Variants in PRORP observed in about 807,000 individuals in gnomAD.
The protein encoded by PRORP is protein only RNase P catalytic subunit, also known as mitochondrial ribonuclease P catalytic subunit.
A neutral mutation model predicts 59.4 loss-of-function variants in PRORP; 51 were observed. The ratio of observed to expected loss-of-function variants is 0.86; its 90% CI spans 0.69 to 1.08. The LOEUF (loss-of-function observed/expected upper bound fraction) is 1.08. PRORP is among the 50% of genes least tolerant of loss of function. PRORP has a pLI of 0.00. For missense variants in PRORP, 646 were observed against 690.3 expected, an observed-to-expected ratio of 0.94 and a Z score of 0.72; for synonymous variants, 231 against 245.6, an observed-to-expected ratio of 0.94 and a Z score of 0.55.
At chr14:35,180,530 G>C (rs2048578277) in intron 4 of PRORP, 140 bp from the exon 5 acceptor site, 1 of 566,006 alleles carries the variant, frequency 1.8e-6, no homozygotes, top group South Asian at 2.2e-5. Flanking sequence ...GAGTATCTGT[G>C]TGTGTGTGTG....
chr14:35,122,924 G>T, intron 1 of PRORP, 28 bp from the exon 2 acceptor site: 1 of 257,680 alleles, frequency 3.9e-6, no homozygotes. Flanking sequence ...AGTAAAACTG[G>T]GCGTTCCGTC....
intron 5 of PRORP, among the ~76,000 whole-genome samples, chr14:35,253,720 C>A (rs779574188): frequency 1.3e-5 from 2 of 152,074 alleles, no homozygotes; most frequent in Non-Finnish European, 2.9e-5. Flanking sequence ...ATGGTGTCCC[C>A]GTAGCACTGG....
At chr14:35,150,109 A>G (rs2047707888) in intron 4 of PRORP, among the ~76,000 whole-genome samples, 1 of 152,046 alleles carries the variant, frequency 6.6e-6, no homozygotes, top group South Asian at 2.1e-4. Context: ...GCCTCCCAAA[A>G]TGTTGGGATT....
At chr14:35,225,868 G>C (rs927604245) in intron 5 of PRORP, among the ~76,000 whole-genome samples, 8 of 151,928 alleles carry the variant, frequency 5.3e-5, no homozygotes, top group Non-Finnish European at 1.0e-4. Flanking sequence ...GCAACATAAC[G>C]AAACCCCATC....
In PRORP at chr14:35,129,122, C is replaced by T. The variant is rs368997706; in HGVS notation, c.1167+1511C>T. Among the ~76,000 whole-genome samples the T allele has an allele frequency of 3.3e-5, 5 of 151,790 alleles. No individual in the cohort carries two copies. In the South Asian group the frequency reaches 8.3e-4, roughly 25 times the overall value. On this transcript the variant is annotated intron_variant, in intron 4 of 7. Transcript: ENST00000534898. The stretch of plus-strand genomic sequence containing the variant: ...ACTCGTGAGGTTGAGGCAGGAGAAT[C>T]GCTTGAACCCAGGAGGCGGAGGTTG...
intron 5 of PRORP, among the ~76,000 whole-genome samples, chr14:35,240,384 T>C (rs2050333587): frequency 6.6e-6 from 1 of 151,562 alleles, no homozygotes; most frequent in South Asian, 2.1e-4. Context: ...TACATGTGTA[T>C]GCACACATGC....
At chr14:35,231,307 G>A (rs2050074609) in intron 5 of PRORP, among the ~76,000 whole-genome samples, 1 of 151,954 alleles carries the variant, frequency 6.6e-6, no homozygotes, top group Non-Finnish European at 1.5e-5. Context: ...TAAGTATCTT[G>A]TAACACTTTT....
At chr14:35,122,761 A>G (rs1347511050) in intron 1 of PRORP, 126 bp downstream of exon 1, 1 of 168,550 alleles carries the variant, frequency 5.9e-6, no homozygotes, top group Admixed American at 5.5e-5. Flanking sequence ...GTAGAGAGCT[A>G]TGCAGGGTGA....
intron 5 of PRORP, among the ~76,000 whole-genome samples, chr14:35,260,578 G>A (rs1282301984): frequency 1.3e-5 from 2 of 152,238 alleles, no homozygotes; most frequent in African/African-American, 4.8e-5. Context: ...CCACCTAGGT[G>A]CCATAGTGAA....
At chr14:35,262,997 T>C in intron 5 of PRORP, 4 of 1,597,740 alleles carry the variant, frequency 2.5e-6, no homozygotes, top group Non-Finnish European at 2.6e-6. Context: ...ATGGTATCTA[T>C]GTCTCTGAAA....
intron 2 of PRORP, among the ~76,000 whole-genome samples, chr14:35,125,957 A>T (rs1474135545): frequency 6.6e-6 from 1 of 152,178 alleles, no homozygotes; most frequent in Non-Finnish European, 1.5e-5. Flanking sequence ...GAGTCAATCA[A>T]GGCTGCAGGG....
At chr14:35,261,618 A>C (rs983374840) in intron 5 of PRORP, among the ~76,000 whole-genome samples, 1 of 151,870 alleles carries the variant, frequency 6.6e-6, no homozygotes, top group Admixed American at 6.6e-5. Flanking sequence ...AATCACAGCT[A>C]CTCAGGAGAT....
intron 5 of PRORP, among the ~76,000 whole-genome samples, chr14:35,256,214 G>A (rs2050750993): frequency 6.7e-6 from 1 of 148,172 alleles, no homozygotes; most frequent in Non-Finnish European, 1.5e-5. Flanking sequence ...AGCCCAGGAG[G>A]CGGAGGCTGC....
chr14:35,189,430 C>CTTT (rs35474589), intron 5 of PRORP, among the ~76,000 whole-genome samples: 1 of 133,820 alleles, frequency 7.5e-6, no homozygotes, highest in Non-Finnish European at 1.6e-5. Flanking sequence ...AAATTCTGAG[C>CTTT]TTTTTTTTTT....
At chr14:35,170,112 C>T (rs552189379) in intron 4 of PRORP, among the ~76,000 whole-genome samples, 1 of 152,256 alleles carries the variant, frequency 6.6e-6, no homozygotes, top group South Asian at 2.1e-4. Flanking sequence ...ACATTAGTGT[C>T]ACCATTCCAA....
At chr14:35,258,608 A>G (rs1335941889) in intron 5 of PRORP, among the ~76,000 whole-genome samples, 1 of 151,990 alleles carries the variant, frequency 6.6e-6, no homozygotes, top group East Asian at 1.9e-4. Flanking sequence ...AAGGGAAAGT[A>G]TCACTAAGGA....
Position 35,123,731 on chromosome 14 carries a change from G to T in PRORP, c.486G>T (p.Leu162=). ...CTATAGATGTGGCTAAATCTCTGCT[G>T]GCATGGGTAGCAGCCAAAAATAATG... ...HSSIDVAKSL[L]AWVAAKNNGI... Residue 162 remains leucine (L), a synonymous_variant, in exon 2 of 8, where the codon CTG becomes CTT. Transcript: ENST00000534898. 1 of 1,614,198 alleles carries T rather than the reference G, an allele frequency of 6.2e-7. No individual in the cohort carries two copies. Among genetic ancestry groups the T allele is most frequent in the Non-Finnish European group, 8.5e-7 (1 of 1,180,038 alleles).
Position 35,275,747 on chromosome 14 carries a change from A to G in PRORP, c.*2181A>G, listed in dbSNP as rs2051285427. 6.6e-6 allele frequency: 1 copy of G among 151,036 alleles called. No homozygotes were observed. Among genetic ancestry groups the G allele is most frequent in the Non-Finnish European group, 1.5e-5 (1 of 67,948 alleles). 9.4% of individuals were successfully genotyped at this position (151,036 alleles called of 1,614,324 possible). A position where few individuals can be genotyped will look rare whatever the true frequency, so the allele number is the denominator to read the frequency against. ...GAGGCCAAGACAGGAGGATCACTTT[A>G]GGCCCAGAGTTGGAGACCAACCTGG... is the stretch of plus-strand genomic sequence containing the variant. On this transcript the variant is annotated 3_prime_UTR_variant, in exon 8 of 8. Transcript: ENST00000534898.
At chr14:35,261,007 A>C (rs867645610) in intron 5 of PRORP, among the ~76,000 whole-genome samples, 4 of 152,230 alleles carry the variant, frequency 2.6e-5, no homozygotes, top group Non-Finnish European at 5.9e-5. Context: ...TTATACATAC[A>C]CAGACTCACA....
Sources: allele counts gnomAD v4.1 joint callset (sites outside exome capture counted in the v4.1 genomes callset), GRCh38; gene constraint gnomAD v4.1.1; transcripts MANE v1.5; gene names NCBI Gene and HGNC (gene_info 2026-07-23, HGNC 2026-07-21).